The following ALKBH5 variants were observed in gnomAD, a reference collection of about 807,000 sequenced individuals.
The protein encoded by ALKBH5 is alkB homolog 5, RNA demethylase.
Under a neutral mutation model 32.1 loss-of-function variants are expected in ALKBH5, and 2 were observed. The ratio of observed to expected loss-of-function variants is 0.06; its 90% CI spans 0.03 to 0.20. The LOEUF is 0.20. ALKBH5 is among the 10% of genes least tolerant of loss of function. The pLI, the probability that ALKBH5 is intolerant of heterozygous loss-of-function variation, is 1.00. For synonymous variants in ALKBH5, 300 were observed against 231.7 expected, an observed-to-expected ratio of 1.29 and a Z score of -2.68; for missense variants, 352 against 559.5, an observed-to-expected ratio of 0.63 and a Z score of 3.74.
intron 1 of ALKBH5, 22 bp from the exon 2 acceptor site, chr17:18,194,933 C>T: frequency 6.2e-7 from 1 of 1,612,468 alleles, no homozygotes; most frequent in South Asian, 1.1e-5. Context: ...TTCATGGTCA[C>T]ATGTTCTGTG....
chr17:18,207,367 G>GAA (rs34725573), intron 3 of ALKBH5, among the ~76,000 whole-genome samples: 1 of 151,800 alleles, frequency 6.6e-6, no homozygotes, highest in Non-Finnish European at 1.5e-5. Flanking sequence ...TTTTTTAAAG[G>GAA]AAAAAAAATG....
chr17:18,209,693 T>C lies in ALKBH5; in HGVS notation c.*1297T>C, dbSNP rs1049147518. ...CCCAGCAACCAGGATACCACCACTT[T>C]GGGGGCTTTGTGTACAGAGGTCCGG... On this transcript the variant is annotated 3_prime_UTR_variant, in exon 4 of 4. Transcript: ENST00000399138. 2 of 152,326 alleles carry C rather than the reference T, an allele frequency of 1.3e-5. No homozygotes were observed. Among genetic ancestry groups the C allele is most frequent in the African/African-American group, 2.4e-5 (1 of 41,440 alleles). The allele number at this position is 152,326 out of a possible 1,614,324, so 9.4% of individuals were successfully genotyped here. A position where few individuals can be genotyped will look rare whatever the true frequency, so the allele number is the denominator to read the frequency against.
intron 1 of ALKBH5, 90 bp from the exon 2 acceptor site, chr17:18,194,865 C>T: frequency 9.4e-7 from 1 of 1,065,334 alleles, no homozygotes. Context: ...AGCCGTAAGA[C>T]CTAGGCCATG....
At chr17:18,185,696 T>A (rs775687037) in intron 1 of ALKBH5, among the ~76,000 whole-genome samples, 11 of 152,198 alleles carry the variant, frequency 7.2e-5, no homozygotes. Context: ...GTCTCTTGAC[T>A]GTTTGGCCTT....
rs1197651818 is a variant in ALKBH5 at position 18,208,629 on chromosome 17, C to T, written c.*233C>T. The T allele has an allele frequency of 3.1e-6, 2 of 635,874 alleles. No individual in the cohort carries two copies. Among genetic ancestry groups the T allele is most frequent in the Admixed American group, 2.4e-5 (1 of 41,872 alleles). 39.4% of individuals were successfully genotyped at this position (635,874 alleles called of 1,614,324 possible). ...TCCTCCTGGATGGAAAGGCTGTTGG[C>T]ATCAATAGGGGACAGAGGCTGATGC... On this transcript the variant is annotated 3_prime_UTR_variant, in exon 4 of 4. Transcript: ENST00000399138.
intron 1 of ALKBH5, among the ~76,000 whole-genome samples, chr17:18,189,111 CTCACGCCTGTAA>C (rs2142470801): frequency 6.6e-6 from 1 of 152,048 alleles, no homozygotes; most frequent in Non-Finnish European, 1.5e-5. Context: ...GGCGCGGTGG[CTCACGCCTGTAA>C]TCCCAGCACT....
At position 18,208,684 on chromosome 17, in the gene ALKBH5, A is replaced by C. The variant is rs570534770; in HGVS notation, c.*288A>C. Reference sequence around the variant, plus strand: ...GTGGCCAGTAGAGGTGGTGGAGCAGAGCAGCCATCTTTTAAGTGGGGCTGT... The same window carrying C: ...GTGGCCAGTAGAGGTGGTGGAGCAGCGCAGCCATCTTTTAAGTGGGGCTGT... On this transcript the variant is annotated 3_prime_UTR_variant, in exon 4 of 4. Transcript: ENST00000399138. 51 of 532,554 alleles carry C rather than the reference A, an allele frequency of 9.6e-5. No homozygotes were observed. The East Asian group carries it at 1.9e-3, about 19-fold the overall frequency. The allele number at this position is 532,554 out of a possible 1,614,324, so 33.0% of individuals were successfully genotyped here.
intron 2 of ALKBH5, among the ~76,000 whole-genome samples, chr17:18,202,165 C>T (rs1039849779): frequency 1.3e-4 from 20 of 151,658 alleles, no homozygotes; most frequent in African/African-American, 1.9e-4. Flanking sequence ...AAAAATCAGC[C>T]GGGCATGGTG....
At chr17:18,196,886 T>G (rs533729058) in intron 2 of ALKBH5, among the ~76,000 whole-genome samples, 1 of 152,296 alleles carries the variant, frequency 6.6e-6, no homozygotes, top group African/African-American at 2.4e-5. Context: ...TTCAATCATT[T>G]ATTTATATAA....
intron 2 of ALKBH5, among the ~76,000 whole-genome samples, chr17:18,202,459 C>T (rs1481635893): frequency 6.6e-6 from 1 of 152,118 alleles, no homozygotes; most frequent in African/African-American, 2.4e-5. Flanking sequence ...GTCTGATTCT[C>T]AAAGGTGCTG....
At chr17:18,204,396 AG>A (rs2142489040) in intron 2 of ALKBH5, among the ~76,000 whole-genome samples, 1 of 151,582 alleles carries the variant, frequency 6.6e-6, no homozygotes, top group Non-Finnish European at 1.5e-5. Context: ...GGTTGCAGTG[AG>A]CCAAGATCGT....
chr17:18,201,268 C>CA (rs2047235017), intron 2 of ALKBH5, among the ~76,000 whole-genome samples: 1 of 152,202 alleles, frequency 6.6e-6, no homozygotes, highest in African/African-American at 2.4e-5. Flanking sequence ...CACGTGCATA[C>CA]ACCCTGCCCT....
chr17:18,203,690 G>A (rs2047254257), intron 2 of ALKBH5, among the ~76,000 whole-genome samples: 2 of 152,258 alleles, frequency 1.3e-5, no homozygotes, highest in South Asian at 4.1e-4. Context: ...AGAGTTGGTT[G>A]CCTTTTAACA....
chr17:18,206,740 C>T (rs2047270916), intron 2 of ALKBH5, 75 bp from the exon 3 acceptor site: 1 of 1,547,782 alleles, frequency 6.5e-7, no homozygotes, highest in Non-Finnish European at 8.8e-7. Context: ...CTTGGCCTGG[C>T]CAGAGAATTG....
At chr17:18,192,650 C>G (rs2142474690) in intron 1 of ALKBH5, among the ~76,000 whole-genome samples, 1 of 152,298 alleles carries the variant, frequency 6.6e-6, no homozygotes, top group Middle Eastern at 3.4e-3. Flanking sequence ...CTTCAACTCA[C>G]TAACTCCTGT....
Position 18,184,149 on chromosome 17 carries a change from C to T in ALKBH5, c.-95C>T. ...GCATGGGGGTTCGGCGCTAAGGACC[C>T]CCCTCCCTCCGGGGGCCCCGGGGCG... On this transcript the variant is annotated 5_prime_UTR_variant, in exon 1 of 4. Coordinates refer to ENST00000399138, the MANE Select transcript of ALKBH5 (RefSeq NM_017758.4). 3 of 1,149,508 alleles carry T rather than the reference C, an allele frequency of 2.6e-6. No homozygotes were observed. Among genetic ancestry groups the T allele is most frequent in the African/African-American group, 1.6e-5 (1 of 61,316 alleles). The allele number at this position is 1,149,508 out of a possible 1,614,324, so 71.2% of individuals were successfully genotyped here.
rs1303262368 is a variant in ALKBH5, at chr17:18,183,872, G to A, written c.-372G>A. The A allele has an allele frequency of 2.7e-6, 1 of 369,798 alleles. No individual in the cohort carries two copies. Among genetic ancestry groups the A allele is most frequent in the Non-Finnish European group, 5.1e-6 (1 of 194,592 alleles). The allele number at this position is 369,798 out of a possible 1,614,324, so 22.9% of individuals were successfully genotyped here. On this transcript the variant is annotated 5_prime_UTR_variant, in exon 1 of 4. Coordinates refer to ENST00000399138, the MANE Select transcript of ALKBH5 (RefSeq NM_017758.4). ...GGCGCTGGCGGACGTCGGGCTGGCT[G>A]CCCGTGACGTCGTGCGGAGAGCTTT...
intron 1 of ALKBH5, among the ~76,000 whole-genome samples, chr17:18,192,580 G>T (rs1164659429): frequency 2.0e-5 from 3 of 152,190 alleles, no homozygotes; most frequent in African/African-American, 7.2e-5. Flanking sequence ...GGTTCAGCAT[G>T]TGATTTAACA....
chr17:18,184,736 C>T lies in ALKBH5; in HGVS notation c.493C>T (p.Pro165Ser). 1 of 1,613,616 alleles carries T rather than the reference C, an allele frequency of 6.2e-7. No individual in the cohort carries two copies. The highest frequency in any genetic ancestry group is 8.5e-7 in the Non-Finnish European group (1 of 1,179,960). ...CCCGCCGGGCGACGTGGACGAGATC[C>T]CCGAGTGGGTGCACCAGCTGGTGAT... is the stretch of plus-strand genomic sequence containing the variant. ...LYPPGDVDEI[P>S]EWVHQLVIQK... Residue 165 changes from proline to serine, a missense_variant, in exon 1 of 4, where the codon CCC (proline) becomes TCC (serine). Physicochemically the swap from Pro to Ser is moderately conservative, Grantham distance 74. Coordinates refer to ENST00000399138, the MANE Select transcript of ALKBH5 (RefSeq NM_017758.4).
Sources: gnomAD v4.1 joint callset for allele counts (sites outside exome capture counted in the v4.1 genomes callset) on GRCh38, gnomAD v4.1.1 for gene constraint, MANE v1.5 for transcripts, NCBI Gene and HGNC (gene_info 2026-07-23, HGNC 2026-07-21) for gene names.